SPRED1: variants seen among roughly 807,000 people sequenced by gnomAD.
SPRED1 encodes the protein sprouty related EVH1 domain containing 1.
In SPRED1, 18 loss-of-function variants were observed where a neutral mutation model predicts 52.3. The observed-to-expected ratio is 0.34, with a 90% CI of 0.24 to 0.51. SPRED1 has a LOEUF of 0.51. SPRED1 is among the 20% of genes least tolerant of loss of function. The probability of loss-of-function intolerance (pLI) is 0.97; values close to 1 mark genes in which losing one functional copy is unlikely to be tolerated. For synonymous variants in SPRED1, 155 were observed against 179.7 expected (o/e 0.86, Z 1.10); for missense variants, 485 against 551.0 (o/e 0.88, Z 1.20).
chr15:38,304,673 C>T (rs1393180738), intron 2 of SPRED1, among the ~76,000 whole-genome samples: 1 of 152,172 alleles, frequency 6.6e-6, no homozygotes, highest in Non-Finnish European at 1.5e-5. Flanking sequence ...CTTTTCTTTG[C>T]AGTCTCGACC....
intron 1 of SPRED1, among the ~76,000 whole-genome samples, chr15:38,282,087 T>G (rs1420650185): frequency 6.6e-6 from 1 of 152,218 alleles, no homozygotes; most frequent in Non-Finnish European, 1.5e-5. Context: ...CCAGCATCAC[T>G]GAGTTCATAT....
chr15:38,346,054 G>A (rs1228456457), intron 5 of SPRED1, among the ~76,000 whole-genome samples: 1 of 152,086 alleles, frequency 6.6e-6, no homozygotes, highest in African/African-American at 2.4e-5. Flanking sequence ...TAAATCTTTT[G>A]AGGTCAGGCA....
intron 5 of SPRED1, among the ~76,000 whole-genome samples, chr15:38,342,721 T>C (rs1896053887): frequency 6.6e-6 from 1 of 152,144 alleles, no homozygotes; most frequent in Non-Finnish European, 1.5e-5. Flanking sequence ...ATCTTTATTG[T>C]TTTCAGATGT....
intron 4 of SPRED1, among the ~76,000 whole-genome samples, chr15:38,329,202 T>C (rs746267688): frequency 6.6e-6 from 1 of 152,160 alleles, no homozygotes; most frequent in Non-Finnish European, 1.5e-5. Flanking sequence ...ATCTTAGATA[T>C]CATGTTTTTG....
At chr15:38,263,310 TAGAA>T (rs1423317565) in intron 1 of SPRED1, among the ~76,000 whole-genome samples, 1 of 152,142 alleles carries the variant, frequency 6.6e-6, no homozygotes, top group Non-Finnish European at 1.5e-5. Context: ...GATGTCAAGG[TAGAA>T]AGTGTCCAAC....
intron 4 of SPRED1, among the ~76,000 whole-genome samples, chr15:38,330,944 G>A (rs1895794608): frequency 6.6e-6 from 1 of 152,066 alleles, no homozygotes. Flanking sequence ...GGTGCAAAGG[G>A]AGGAGAGAAG....
chr15:38,314,830 T>C (rs1895442357), intron 2 of SPRED1, among the ~76,000 whole-genome samples: 5 of 151,934 alleles, frequency 3.3e-5, no homozygotes. Flanking sequence ...CCATTTTCTT[T>C]CCTTCTCTCC....
At chr15:38,315,913 A>C (rs1189456749) in intron 2 of SPRED1, among the ~76,000 whole-genome samples, 1 of 152,006 alleles carries the variant, frequency 6.6e-6, no homozygotes, top group Non-Finnish European at 1.5e-5. Flanking sequence ...ATACTTTATT[A>C]GTTCATCTAA....
At chr15:38,322,204 A>G (rs183031739) in intron 2 of SPRED1, 37 bp from the exon 3 acceptor site, 44 of 1,592,058 alleles carry the variant, frequency 2.8e-5, no homozygotes, top group Admixed American at 3.3e-5. Context: ...TGCATTTGAT[A>G]TATGTATATT....
intron 1 of SPRED1, among the ~76,000 whole-genome samples, chr15:38,282,097 T>C (rs747955820): frequency 9.2e-5 from 14 of 152,190 alleles, no homozygotes; most frequent in East Asian, 7.7e-4. Flanking sequence ...TGAGTTCATA[T>C]ACTGTCCATA....
intron 4 of SPRED1, among the ~76,000 whole-genome samples, chr15:38,335,245 A>G (rs1407618960): frequency 6.6e-6 from 1 of 152,086 alleles, no homozygotes; most frequent in African/African-American, 2.4e-5. Context: ...CCTCTCCAGT[A>G]CGTGCCCAGT....
intron 2 of SPRED1, among the ~76,000 whole-genome samples, chr15:38,316,325 ATC>A (rs1265010819): frequency 6.6e-6 from 1 of 152,042 alleles, no homozygotes; most frequent in Non-Finnish European, 1.5e-5. Context: ...CGTAAATAAC[ATC>A]TGTTTAATGT....
intron 5 of SPRED1, among the ~76,000 whole-genome samples, chr15:38,347,461 CTTTTTTT>C (rs3075337): frequency 7.6e-4 from 71 of 93,242 alleles, no homozygotes; most frequent in African/African-American, 1.7e-3. Flanking sequence ...CCGCTTGGAT[CTTTTTTT>C]TTTTTTTTTT....
At chr15:38,260,958 C>A (rs1184640443) in intron 1 of SPRED1, among the ~76,000 whole-genome samples, 9 of 152,138 alleles carry the variant, frequency 5.9e-5, no homozygotes, top group African/African-American at 2.2e-4. Flanking sequence ...CGAAATATTA[C>A]AAATAGTGGC....
intron 2 of SPRED1, 88 bp downstream of exon 2, chr15:38,299,635 C>A: frequency 2.3e-6 from 3 of 1,294,812 alleles, no homozygotes; most frequent in Non-Finnish European, 3.3e-6. Context: ...GAGTTTTTTT[C>A]ACCTGTGAAT....
rs148099946 is a variant in SPRED1 at position 38,275,062 on chromosome 15, C to G, written c.32+21845C>G. Among the ~76,000 whole-genome samples the G allele has an allele frequency of 2.8e-3, 433 of 152,312 alleles. 7 individuals carry two copies. The highest frequency in any genetic ancestry group is 0.028 in the East Asian group (146 of 5,182). The stretch of plus-strand genomic sequence containing the variant: ...GTCATTCACTTGTTACTATTTTTAG[C>G]ATCTGCTGATGATTCTTGCCTGCAA... On this transcript the variant is annotated intron_variant, in intron 1 of 6. Transcript: ENST00000299084.
chr15:38,279,592 C>T (rs2140963336), intron 1 of SPRED1, among the ~76,000 whole-genome samples: 1 of 152,294 alleles, frequency 6.6e-6, no homozygotes, highest in East Asian at 1.9e-4. Flanking sequence ...CAAGGTCCAG[C>T]TCTTTTACTT....
intron 5 of SPRED1, among the ~76,000 whole-genome samples, chr15:38,343,889 A>C (rs1896078727): frequency 6.6e-6 from 1 of 152,170 alleles, no homozygotes; most frequent in South Asian, 2.1e-4. Context: ...AATTATCTGT[A>C]GTTTATGTAT....
intron 4 of SPRED1, among the ~76,000 whole-genome samples, chr15:38,337,532 A>C (rs576320062): frequency 6.6e-6 from 1 of 152,186 alleles, no homozygotes; most frequent in Non-Finnish European, 1.5e-5. Context: ...GTAAACATTT[A>C]AAAATCATTT....
Sources: allele counts gnomAD v4.1 joint callset (sites outside exome capture counted in the v4.1 genomes callset), GRCh38; gene constraint gnomAD v4.1.1; transcripts MANE v1.5; gene names NCBI Gene and HGNC (gene_info 2026-07-23, HGNC 2026-07-21).